PPP1R12B: variants seen among roughly 807,000 people sequenced by gnomAD.
PPP1R12B encodes myosin phosphatase target subunit 2.
PPP1R12B carries 76 observed loss-of-function variants against 126.1 expected under a neutral mutation model. That is an observed-to-expected ratio of 0.60 (90% CI 0.50 to 0.73). The LOEUF is 0.73. Among genes scored for constraint, PPP1R12B ranks in the 30% least tolerant of loss-of-function variants. The pLI is 0.00. For missense variants in PPP1R12B, 1,052 were observed against 1,205.1 expected, an observed-to-expected ratio of 0.87 and a Z score of 1.88; for synonymous variants, 356 against 434.7, an observed-to-expected ratio of 0.82 and a Z score of 2.25.
At chr1:202,551,611 C>T (rs1447689649) in intron 18 of PPP1R12B, among the ~76,000 whole-genome samples, 1 of 151,996 alleles carries the variant, frequency 6.6e-6, no homozygotes, top group Non-Finnish European at 1.5e-5. Flanking sequence ...GTAGAACCCA[C>T]GTATATGACA....
At chr1:202,574,782 T>A in intron 23 of PPP1R12B, 1 of 473,738 alleles carries the variant, frequency 2.1e-6, no homozygotes, top group East Asian at 3.3e-5. Flanking sequence ...TAGCCAAGAA[T>A]CAGACATAGC....
At chr1:202,464,197 A>T (rs1674686454) in intron 13 of PPP1R12B, among the ~76,000 whole-genome samples, 1 of 152,142 alleles carries the variant, frequency 6.6e-6, no homozygotes, top group Admixed American at 6.5e-5. Flanking sequence ...AATTAATTAA[A>T]TGGTATGTTG....
At chr1:202,484,231 T>C (rs902621769) in intron 13 of PPP1R12B, among the ~76,000 whole-genome samples, 3 of 152,204 alleles carry the variant, frequency 2.0e-5, no homozygotes, top group Non-Finnish European at 4.4e-5. Flanking sequence ...GGTGGTTTTC[T>C]GTAGTGCTGA....
intron 18 of PPP1R12B, among the ~76,000 whole-genome samples, chr1:202,498,439 A>G (rs1397276006): frequency 6.6e-6 from 1 of 152,244 alleles, no homozygotes; most frequent in Non-Finnish European, 1.5e-5. Context: ...CCAAGTGCCA[A>G]TCTCCAGCCT....
chr1:202,504,432 A>C (rs990588006), intron 18 of PPP1R12B, among the ~76,000 whole-genome samples: 12 of 152,188 alleles, frequency 7.9e-5, no homozygotes, highest in African/African-American at 2.2e-4. Flanking sequence ...TTTTATTAGA[A>C]ATAAAACAAC....
intron 1 of PPP1R12B, among the ~76,000 whole-genome samples, chr1:202,399,936 G>C (rs1328782121): frequency 6.6e-6 from 1 of 151,944 alleles, no homozygotes; most frequent in Admixed American, 6.6e-5. Flanking sequence ...GGGTATGATT[G>C]ATCCCATCAC....
rs1342256006 is a variant in PPP1R12B, at chr1:202,493,273, G to C, written c.2101G>C (p.Ala701Pro). 1 of 1,612,656 alleles carries C rather than the reference G, an allele frequency of 6.2e-7. No individual in the cohort carries two copies. The highest frequency in any genetic ancestry group is 1.3e-5 in the African/African-American group (1 of 74,896). Reference sequence around the variant, plus strand: ...GCCCTCAGCAGTTCCAGCAACAGAAGCTGGGGAGGGCCAGCAGCCCTGGGG... The same window carrying C: ...GCCCTCAGCAGTTCCAGCAACAGAACCTGGGGAGGGCCAGCAGCCCTGGGG... ...HEPSAVPATE[A>P]GEGQQPWGRS... The change falls in exon 15 of 24, where the codon GCT becomes CCT. Residue 701 changes from alanine (A) to proline (P), a missense_variant. Physicochemically the swap from Ala to Pro is conservative, Grantham distance 27 (BLOSUM62 -1). Transcript: ENST00000608999.
chr1:202,472,355 G>A lies in PPP1R12B; in HGVS notation c.1851-16178G>A, dbSNP rs180944752. ...GCTGTCTTGTTAAAAAAAATGAGTG[G>A]TGGTGCTGAATTTGTCTTGGTCTAG... On this transcript the variant is annotated intron_variant, in intron 13 of 23. Transcript: ENST00000608999. 4.5e-3 allele frequency among the ~76,000 whole-genome samples: 680 copies of A among 152,128 alleles called. 9 individuals carry two copies. Among genetic ancestry groups the A allele is most frequent in the African/African-American group, 0.015 (615 of 41,480 alleles).
intron 18 of PPP1R12B, among the ~76,000 whole-genome samples, chr1:202,520,283 T>C (rs1214547000): frequency 1.3e-5 from 2 of 152,226 alleles, no homozygotes; most frequent in African/African-American, 4.8e-5. Context: ...TGGTAGAAAA[T>C]GAACTAGAAC....
chr1:202,484,908 G>A (rs1286657608), intron 13 of PPP1R12B, among the ~76,000 whole-genome samples: 2 of 152,152 alleles, frequency 1.3e-5, no homozygotes, highest in Non-Finnish European at 2.9e-5. Context: ...GGTACAGCAG[G>A]GCCACACAAC....
chr1:202,353,586 TTGTGTGTGTGTGTG>T (rs58683662), intron 1 of PPP1R12B, among the ~76,000 whole-genome samples: 368 of 120,814 alleles, frequency 3.0e-3, no homozygotes, highest in Non-Finnish European at 4.6e-3. Context: ...TTCTTCTTCT[TTGTGTGTGTGTGTG>T]TGTGTGTGTG....
chr1:202,500,094 A>T (rs965425561), intron 18 of PPP1R12B, among the ~76,000 whole-genome samples: 1 of 152,232 alleles, frequency 6.6e-6, no homozygotes, highest in African/African-American at 2.4e-5. Flanking sequence ...TTGAACTACC[A>T]TATGATTCAG....
At chr1:202,547,549 CATAA>C (rs1685780178) in intron 18 of PPP1R12B, among the ~76,000 whole-genome samples, 1 of 152,116 alleles carries the variant, frequency 6.6e-6, no homozygotes. Context: ...AGGAGTTGTA[CATAA>C]AATTGCAAGT....
chr1:202,398,985 A>G (rs1245326765), intron 1 of PPP1R12B, among the ~76,000 whole-genome samples: 1 of 152,064 alleles, frequency 6.6e-6, no homozygotes, highest in East Asian at 1.9e-4. Context: ...CTAAACATAT[A>G]TATATATTTT....
chr1:202,482,350 A>G (rs1677501618), intron 13 of PPP1R12B, among the ~76,000 whole-genome samples: 1 of 152,212 alleles, frequency 6.6e-6, no homozygotes, highest in South Asian at 2.1e-4. Context: ...TTACAGTCCC[A>G]CCAACTTGTG....
At chr1:202,412,596 C>G (rs1303380723) in intron 1 of PPP1R12B, among the ~76,000 whole-genome samples, 1 of 152,142 alleles carries the variant, frequency 6.6e-6, no homozygotes, top group African/African-American at 2.4e-5. Flanking sequence ...TCTTTCAGAG[C>G]CAAAGAAATT....
chr1:202,555,793 G>A (rs116748804), intron 18 of PPP1R12B, among the ~76,000 whole-genome samples: 2,855 of 152,040 alleles, frequency 0.019, 47 homozygotes, highest in Non-Finnish European at 0.029. Context: ...GTTTCATTTG[G>A]TTACATGTGA....
chr1:202,439,261 A>G (rs1360727380), intron 10 of PPP1R12B: 1 of 1,395,630 alleles, frequency 7.2e-7, no homozygotes, highest in Non-Finnish European at 1.0e-6. Context: ...GCTGTCCTCC[A>G]CAGAGGCAAG....
chr1:202,354,062 C>A (rs1656576102), intron 1 of PPP1R12B, among the ~76,000 whole-genome samples: 2 of 152,224 alleles, frequency 1.3e-5, no homozygotes, highest in African/African-American at 4.8e-5. Flanking sequence ...TTGGACCAGT[C>A]TTGTTGTTAA....
Sources: gnomAD v4.1 joint callset for allele counts (sites outside exome capture counted in the v4.1 genomes callset) on GRCh38, gnomAD v4.1.1 for gene constraint, MANE v1.5 for transcripts, NCBI Gene and HGNC (gene_info 2026-07-23, HGNC 2026-07-21) for gene names.